UGGT2: variants seen among roughly 807,000 people sequenced by gnomAD.
UGGT2 encodes UDP-glucose glycoprotein glucosyltransferase 2, also known as UDP-glucose:glycoprotein glucosyltransferase 2.
UGGT2 carries 180 observed loss-of-function variants against 192.1 expected under a neutral mutation model. That is an observed-to-expected ratio of 0.94 (90% confidence interval 0.83 to 1.06). UGGT2 has a LOEUF of 1.06. UGGT2 is among the 50% of genes least tolerant of loss of function. The pLI, the probability that UGGT2 is intolerant of heterozygous loss-of-function variation, is 0.00. For synonymous variants in UGGT2, 580 were observed against 591.0 expected, an observed-to-expected ratio of 0.98 and a Z score of 0.27; for missense variants, 1,849 against 1,795.7, an observed-to-expected ratio of 1.03 and a Z score of -0.54.
At chr13:95,948,701 T>G (rs2049961087) in intron 13 of UGGT2, among the ~76,000 whole-genome samples, 1 of 152,196 alleles carries the variant, frequency 6.6e-6, no homozygotes, top group Non-Finnish European at 1.5e-5. Context: ...GAAGAAAAAG[T>G]TCTGTCATAA....
chr13:96,031,422 G>A (rs1333025728), intron 2 of UGGT2, among the ~76,000 whole-genome samples: 2 of 152,132 alleles, frequency 1.3e-5, no homozygotes, highest in African/African-American at 4.8e-5. Flanking sequence ...CTCCACCTCA[G>A]TCTCACAAAG....
intron 31 of UGGT2, chr13:95,863,285 A>G (rs1232693688): frequency 1.1e-5 from 2 of 188,736 alleles, no homozygotes; most frequent in Admixed American, 5.5e-5. Flanking sequence ...ATACCCAATC[A>G]TTTTGTCTTC....
intron 22 of UGGT2, among the ~76,000 whole-genome samples, chr13:95,899,433 G>GT (rs1178609274): frequency 6.6e-6 from 1 of 152,002 alleles, no homozygotes; most frequent in Non-Finnish European, 1.5e-5. Context: ...CACAGTAGGT[G>GT]TAAGATTAAT....
chr13:96,002,431 C>T (rs142192766), intron 5 of UGGT2, among the ~76,000 whole-genome samples: 1 of 152,312 alleles, frequency 6.6e-6, no homozygotes, highest in East Asian at 1.9e-4. Flanking sequence ...ACATCTCTTG[C>T]CACTAAAATT....
At chr13:95,972,474 T>C (rs1400163046) in intron 11 of UGGT2, 106 bp downstream of exon 11, 46 of 1,023,668 alleles carry the variant, frequency 4.5e-5, no homozygotes, top group Non-Finnish European at 6.3e-5. Flanking sequence ...CAAAAACATG[T>C]ATTTATCTTT....
chr13:95,877,041 G>A lies in UGGT2; in HGVS notation c.3473+238C>T, dbSNP rs1475673545. 5 of 357,212 alleles carry A rather than the reference G, an allele frequency of 1.4e-5. No homozygotes were observed. The East Asian group carries it at 2.4e-4, about 17-fold the overall frequency. The allele number at this position is 357,212 out of a possible 1,614,324, so 22.1% of individuals were successfully genotyped here. Reference sequence around the variant, plus strand: ...TGAAGTTACAGGTGTGCGCCACCATGTCTGGCAAATTTTTGTATTTTTAGT... The same window carrying A: ...TGAAGTTACAGGTGTGCGCCACCATATCTGGCAAATTTTTGTATTTTTAGT... On this transcript the variant is annotated intron_variant, in intron 29 of 38. Transcript: ENST00000376747.
chr13:96,040,592 C>T (rs1269905869), intron 1 of UGGT2, among the ~76,000 whole-genome samples: 1 of 152,136 alleles, frequency 6.6e-6, no homozygotes, highest in Non-Finnish European at 1.5e-5. Context: ...TGCCCCTTGA[C>T]TTAGGGTTAC....
chr13:95,937,600 G>C (rs1462737248), intron 16 of UGGT2, among the ~76,000 whole-genome samples: 2 of 152,184 alleles, frequency 1.3e-5, no homozygotes, highest in Non-Finnish European at 2.9e-5. Flanking sequence ...AGAGCTGAAA[G>C]TCTTTTCTCA....
intron 15 of UGGT2, among the ~76,000 whole-genome samples, chr13:95,945,590 ATAAT>A (rs1220293575): frequency 6.6e-6 from 1 of 152,152 alleles, no homozygotes; most frequent in Non-Finnish European, 1.5e-5. Flanking sequence ...TTCAATATTG[ATAAT>A]TAAGATAACT....
chr13:96,011,399 AC>A (rs2052157933), intron 5 of UGGT2, among the ~76,000 whole-genome samples: 1 of 152,056 alleles, frequency 6.6e-6, no homozygotes, highest in Admixed American at 6.5e-5. Context: ...AAAAAAGTTC[AC>A]CAAAAAGAAA....
chr13:95,860,874 T>C lies in UGGT2; in HGVS notation c.3654A>G (p.Val1218=). 1 of 1,560,428 alleles carries C rather than the reference T, an allele frequency of 6.4e-7. No homozygotes were observed. Among genetic ancestry groups the C allele is most frequent in the Middle Eastern group, 1.7e-4 (1 of 5,852 alleles). ...GLWDSIKSFT[V]SLHKENKKEK... Reference sequence around the variant, plus strand: ...CCTTTTTGTTTTCTTTATGCAAGCTTACTGTGAAACTTGGAATAAAAAAGT... The same window carrying C: ...CCTTTTTGTTTTCTTTATGCAAGCTCACTGTGAAACTTGGAATAAAAAAGT... Residue 1218 remains valine, a synonymous_variant, in exon 32 of 39, where the codon GTA becomes GTG. Transcript: ENST00000376747.
chr13:96,026,051 GAATA>G (rs1308305975), intron 2 of UGGT2, among the ~76,000 whole-genome samples: 2 of 151,900 alleles, frequency 1.3e-5, no homozygotes. Flanking sequence ...GAATGGAACA[GAATA>G]ATTAAAGAAA....
intron 14 of UGGT2, among the ~76,000 whole-genome samples, chr13:95,947,468 T>TA (rs1270870669): frequency 4.1e-5 from 5 of 123,286 alleles, no homozygotes; most frequent in Admixed American, 3.8e-4. Flanking sequence ...TTATTTTTTT[T>TA]GAGACAAGAG....
intron 17 of UGGT2, among the ~76,000 whole-genome samples, chr13:95,936,698 T>G (rs904436492): frequency 2.0e-5 from 3 of 152,230 alleles, no homozygotes; most frequent in Non-Finnish European, 4.4e-5. Flanking sequence ...TCCAGATTCC[T>G]GAAGATCTGC....
chr13:96,023,142 T>C lies in UGGT2; in HGVS notation c.383A>G (p.Asp128Gly), dbSNP rs2052563507. The C allele has an allele frequency of 1.3e-6, 2 of 1,576,644 alleles. No homozygotes were observed. The highest frequency in any genetic ancestry group is 1.8e-5 in the Admixed American group (1 of 57,034). ...AIQMFQQIAA[D>G]EPPPDGCNAF... is the part of the protein sequence containing the mutation. ...ATTACAACCATCTGGTGGTGGCTCA[T>C]CAGCTGCAATCTAAGATTTCAAAGA... Residue 128 changes from aspartate to glycine, a missense_variant, in exon 4 of 39, where the codon GAT becomes GGT. By Grantham distance (94) the Asp-to-Gly change is moderately conservative. Coordinates refer to ENST00000376747, the MANE Select transcript of UGGT2 (RefSeq NM_020121.4).
At chr13:95,927,368 C>T in intron 17 of UGGT2, 32 bp from the exon 18 acceptor site, 1 of 1,555,576 alleles carries the variant, frequency 6.4e-7, no homozygotes, top group Non-Finnish European at 8.7e-7. Flanking sequence ...TTAGATAATA[C>T]AGGCAATTTA....
intron 7 of UGGT2, chr13:95,991,334 C>A (rs2051451673): frequency 2.9e-6 from 1 of 347,764 alleles, no homozygotes; most frequent in East Asian, 7.4e-5. Context: ...CATCTACACA[C>A]ACACCAACAG....
At chr13:95,845,736 A>G (rs922318418) in intron 36 of UGGT2, among the ~76,000 whole-genome samples, 2 of 151,922 alleles carry the variant, frequency 1.3e-5, no homozygotes, top group African/African-American at 4.8e-5. Context: ...CACTTCCCAG[A>G]CGGGGTGGCG....
At chr13:96,049,502 T>G (rs2053421887) in intron 1 of UGGT2, among the ~76,000 whole-genome samples, 1 of 152,110 alleles carries the variant, frequency 6.6e-6, no homozygotes, top group African/African-American at 2.4e-5. Context: ...GAGAAAGAAA[T>G]AAAGGGTATT....
Sources: gnomAD v4.1 joint callset for allele counts (sites outside exome capture counted in the v4.1 genomes callset) on GRCh38, gnomAD v4.1.1 for gene constraint, MANE v1.5 for transcripts, NCBI Gene and HGNC (gene_info 2026-07-23, HGNC 2026-07-21) for gene names.